DHX15: variants seen among roughly 807,000 people sequenced by gnomAD.
DHX15 encodes ATP-dependent RNA helicase DHX15.
Under a neutral mutation model 94.4 loss-of-function variants are expected in DHX15, and 11 were observed. That is an observed-to-expected ratio of 0.12 (90% confidence interval 0.07 to 0.19). The LOEUF is 0.19. DHX15 is among the 10% of genes least tolerant of loss of function. The probability of loss-of-function intolerance (pLI) is 1.00; values close to 1 mark genes in which losing one functional copy is unlikely to be tolerated. For synonymous variants in DHX15, 338 were observed against 329.9 expected (o/e 1.02, Z -0.27); for missense variants, 304 against 988.5 (o/e 0.31, Z 9.29).
At chr4:24,579,489 G>C (rs927947855) in intron 1 of DHX15, among the ~76,000 whole-genome samples, 1 of 152,140 alleles carries the variant, frequency 6.6e-6, no homozygotes, top group African/African-American at 2.4e-5. Flanking sequence ...TTAAAAACTG[G>C]TATCAAGTCA....
At chr4:24,570,952 A>G in intron 2 of DHX15, 105 bp from the exon 3 acceptor site, 1 of 1,138,926 alleles carries the variant, frequency 8.8e-7, no homozygotes, top group Non-Finnish European at 1.2e-6. Flanking sequence ...ACCAAATCCA[A>G]TTAGGCAAAT....
chr4:24,532,006 C>T (rs548861060), intron 12 of DHX15, among the ~76,000 whole-genome samples: 18 of 152,210 alleles, frequency 1.2e-4, no homozygotes, highest in Non-Finnish European at 2.2e-4. Context: ...TAAGCCACAT[C>T]GTGCTTAAAA....
intron 1 of DHX15, chr4:24,580,573 A>G (rs1471633721): frequency 6.6e-6 from 1 of 150,470 alleles, no homozygotes; most frequent in African/African-American, 2.5e-5. Context: ...TAGTGGTGCA[A>G]TCTCGACTCA....
chr4:24,548,849 T>C lies in DHX15; in HGVS notation c.1248+6A>G, dbSNP rs1368452771. ...AAATATTTATAAAGAGCATTTCTAA[T>C]GTTACCTTTCTTCCAATTGCTCCAT... On this transcript the variant is annotated splice_donor_region_variant and intron_variant, in intron 6 of 13. Coordinates refer to ENST00000336812, the MANE Select transcript of DHX15 (RefSeq NM_001358.3). The C allele has an allele frequency of 6.2e-7, 1 of 1,609,016 alleles. No homozygotes were observed. The highest frequency in any genetic ancestry group is 8.5e-7 in the Non-Finnish European group (1 of 1,177,970).
chr4:24,527,890 G>T lies in DHX15; in HGVS notation c.*34C>A. 1 of 1,475,590 alleles carries T rather than the reference G, an allele frequency of 6.8e-7. No homozygotes were observed. Among genetic ancestry groups the T allele is most frequent in the South Asian group, 1.1e-5 (1 of 87,116 alleles). 91.4% of individuals were successfully genotyped at this position (1,475,590 alleles called of 1,614,324 possible). A position where few individuals can be genotyped will look rare whatever the true frequency, so the allele number is the denominator to read the frequency against. ...TTGAGTTCATTCATCTTTTAAAGCT[G>T]TCCTCTCAATAACTTCAGTTCTAAG... is the stretch of plus-strand genomic sequence containing the variant. On this transcript the variant is annotated 3_prime_UTR_variant, in exon 14 of 14. Transcript: ENST00000336812.
At chr4:24,559,970 T>A (rs1721830499) in intron 3 of DHX15, among the ~76,000 whole-genome samples, 1 of 152,296 alleles carries the variant, frequency 6.6e-6, no homozygotes, top group African/African-American at 2.4e-5. Context: ...TTGGAGTAAG[T>A]AACAGTTCAG....
At chr4:24,558,383 T>C (rs1226288986) in intron 3 of DHX15, among the ~76,000 whole-genome samples, 1 of 152,184 alleles carries the variant, frequency 6.6e-6, no homozygotes. Flanking sequence ...AGTCACCTTC[T>C]TTATTTTGAT....
intron 1 of DHX15, among the ~76,000 whole-genome samples, chr4:24,579,626 C>G (rs918423310): frequency 5.3e-5 from 8 of 152,150 alleles, no homozygotes; most frequent in Non-Finnish European, 1.2e-4. Flanking sequence ...TATAGGATCA[C>G]AGTTATTTCT....
At chr4:24,580,070 G>T (rs1391433446) in intron 1 of DHX15, among the ~76,000 whole-genome samples, 2 of 152,014 alleles carry the variant, frequency 1.3e-5, no homozygotes, top group Non-Finnish European at 2.9e-5. Flanking sequence ...CACCAATATT[G>T]GTTATTATTA....
At chr4:24,565,777 C>G (rs1191593048) in intron 3 of DHX15, among the ~76,000 whole-genome samples, 1 of 152,186 alleles carries the variant, frequency 6.6e-6, no homozygotes, top group African/African-American at 2.4e-5. Context: ...CAGCAAGAAT[C>G]AGCAATGCTG....
intron 3 of DHX15, among the ~76,000 whole-genome samples, chr4:24,566,699 G>A (rs1431737490): frequency 6.6e-6 from 1 of 152,086 alleles, no homozygotes; most frequent in African/African-American, 2.4e-5. Context: ...GGTGGCACAC[G>A]CCTGTAATCT....
chr4:24,561,187 A>G (rs2109411946), intron 3 of DHX15, among the ~76,000 whole-genome samples: 1 of 152,384 alleles, frequency 6.6e-6, no homozygotes, highest in East Asian at 1.9e-4. Context: ...ATGAGGTTCC[A>G]TCAATAGAAT....
rs1033014649 is a variant in DHX15, at chr4:24,561,915, G to A, written c.702-5505C>T. The stretch of plus-strand genomic sequence containing the variant: ...GGAGGCCGAAGCAGGTCAATCACTT[G>A]AGGTCAAAGTTCAAGACCAGCCTGG... On this transcript the variant is annotated intron_variant, in intron 3 of 13. Transcript: ENST00000336812. 2.0e-5 allele frequency among the ~76,000 whole-genome samples: 3 copies of A among 152,036 alleles called. No individual in the cohort carries two copies. The South Asian group carries it at 6.2e-4, about 32-fold the overall frequency.
intron 6 of DHX15, among the ~76,000 whole-genome samples, chr4:24,544,473 A>G (rs1721382245): frequency 6.6e-6 from 1 of 152,240 alleles, no homozygotes; most frequent in South Asian, 2.1e-4. Flanking sequence ...ATAAGAAACC[A>G]CATGTGGTTT....
At chr4:24,565,031 T>C (rs570880232) in intron 3 of DHX15, among the ~76,000 whole-genome samples, 6 of 152,300 alleles carry the variant, frequency 3.9e-5, no homozygotes, top group South Asian at 2.1e-4. Flanking sequence ...AAGTTAACAA[T>C]AGAAAATAAA....
intron 11 of DHX15, chr4:24,533,592 C>T: frequency 1.9e-5 from 3 of 156,756 alleles, no homozygotes; most frequent in Admixed American, 6.2e-5. Flanking sequence ...ATGCCCGAAA[C>T]CTCCACTCAT....
chr4:24,572,811 T>C (rs1298534926), intron 2 of DHX15, among the ~76,000 whole-genome samples: 2 of 152,184 alleles, frequency 1.3e-5, no homozygotes, highest in Non-Finnish European at 2.9e-5. Context: ...AACCAGTCAG[T>C]TAATGCATCT....
chr4:24,556,928 C>T (rs533967423), intron 3 of DHX15, among the ~76,000 whole-genome samples: 1 of 152,196 alleles, frequency 6.6e-6, no homozygotes, highest in Admixed American at 6.5e-5. Flanking sequence ...AGTCCTCCCA[C>T]CCCAAAGAAA....
At chr4:24,529,371 A>T (rs1044176806) in intron 13 of DHX15, among the ~76,000 whole-genome samples, 3 of 152,140 alleles carry the variant, frequency 2.0e-5, no homozygotes, top group Non-Finnish European at 1.5e-5. Context: ...TTCAAATGTA[A>T]CTTCACATTT....
Sources: gnomAD v4.1 joint callset for allele counts (sites outside exome capture counted in the v4.1 genomes callset) on GRCh38, gnomAD v4.1.1 for gene constraint, MANE v1.5 for transcripts, NCBI Gene and HGNC (gene_info 2026-07-23, HGNC 2026-07-21) for gene names.